The following DBX2 variants were observed in gnomAD, a reference collection of about 807,000 sequenced individuals.
DBX2 encodes the protein developing brain homeobox 2, also known as homeobox protein DBX2.
DBX2 carries 16 observed loss-of-function variants against 17.7 expected under a neutral mutation model. That is an observed-to-expected ratio of 0.90 (90% CI 0.61 to 1.37). The LOEUF is 1.37. Among genes scored for constraint, DBX2 ranks in the 40% most tolerant of loss-of-function variants. The pLI is 0.00. For missense variants in DBX2, 538 were observed against 433.8 expected (o/e 1.24, Z -2.13); for synonymous variants, 255 against 183.8 (o/e 1.39, Z -3.13).
intron 2 of DBX2, among the ~76,000 whole-genome samples, chr12:45,030,195 A>G (rs1946402248): frequency 6.6e-6 from 1 of 152,184 alleles, no homozygotes; most frequent in Non-Finnish European, 1.5e-5. Flanking sequence ...ATCATGACTT[A>G]ACTCTGAAGA....
chr12:45,050,761 G>C lies in DBX2; in HGVS notation c.167C>G (p.Pro56Arg). The C allele has an allele frequency of 6.6e-7, 1 of 1,504,456 alleles. No individual in the cohort carries two copies. The highest frequency in any genetic ancestry group is 8.9e-7 in the Non-Finnish European group (1 of 1,127,792). The allele number at this position is 1,504,456 out of a possible 1,614,324, so 93.2% of individuals were successfully genotyped here. The change falls in exon 1 of 4, where the codon CCG (proline) becomes CGG (arginine). Residue 56 changes from proline to arginine, a missense_variant. Pro to Arg is a moderately radical substitution (Grantham distance 103, BLOSUM62 -2). Transcript: ENST00000332700. ...GGTCGCCGGGTCGTGGGGCGCGGGCGGCTGCAGCCTGGGCGTTGGGGCGCC... is the reference window on the plus strand; with the variant it reads ...GGTCGCCGGGTCGTGGGGCGCGGGCCGCTGCAGCCTGGGCGTTGGGGCGCC... The part of the protein sequence containing the change: ...VGGAPTPRLQ[P>R]PAPHDPATAL...
chr12:45,044,470 G>A (rs757912558), intron 1 of DBX2, among the ~76,000 whole-genome samples: 4 of 152,034 alleles, frequency 2.6e-5, no homozygotes, highest in Non-Finnish European at 5.9e-5. Flanking sequence ...AGGCTTTGTG[G>A]AAATCTATAT....
intron 3 of DBX2, among the ~76,000 whole-genome samples, chr12:45,022,982 A>G (rs1438612539): frequency 6.6e-6 from 1 of 152,204 alleles, no homozygotes; most frequent in East Asian, 1.9e-4. Context: ...TTCCATTTAG[A>G]AAACGGGGAT....
In DBX2 at chr12:45,036,012, AACTT is replaced by A; in HGVS notation, c.499+3_499+6del. ...TGAGGCATTGCTGATGAAGGATAAA[AACTT>A]ACTTGGAAAAGCAGTGGAGGATGCA... On this transcript the variant is annotated splice_donor_5th_base_variant and intron_variant, in intron 2 of 3. Coordinates refer to ENST00000332700, the MANE Select transcript of DBX2 (RefSeq NM_001004329.3). The A allele has an allele frequency of 6.2e-7, 1 of 1,611,690 alleles. No homozygotes were observed. Among genetic ancestry groups the A allele is most frequent in the Non-Finnish European group, 8.5e-7 (1 of 1,179,182 alleles).
chr12:45,016,911 G>A (rs1385173809), intron 3 of DBX2, among the ~76,000 whole-genome samples: 3 of 152,064 alleles, frequency 2.0e-5, no homozygotes, highest in Non-Finnish European at 4.4e-5. Context: ...AGCTTCCTGA[G>A]TAGCTAGGAT....
At position 45,042,263 on chromosome 12, in the gene DBX2, T is replaced by C. The variant is rs1946475582; in HGVS notation, c.404-6149A>G. Among the ~76,000 whole-genome samples, 11 of 152,062 alleles carry C rather than the reference T, an allele frequency of 7.2e-5. No individual in the cohort carries two copies. The South Asian group carries it at 2.3e-3, about 32-fold the overall frequency. ...CTGAGATCAAGACTAAAACAGCACA[T>C]AAAAAAGCTGTATTGTGCAGACTTC... On this transcript the variant is annotated intron_variant, in intron 1 of 3. Transcript: ENST00000332700.
intron 1 of DBX2, among the ~76,000 whole-genome samples, chr12:45,046,634 T>G (rs1299252834): frequency 2.0e-5 from 3 of 152,216 alleles, no homozygotes; most frequent in African/African-American, 7.2e-5. Flanking sequence ...AGAGGCCATT[T>G]TATTTCACAC....
At chr12:45,023,077 T>C (rs1946362152) in intron 3 of DBX2, among the ~76,000 whole-genome samples, 1 of 152,222 alleles carries the variant, frequency 6.6e-6, no homozygotes, top group Non-Finnish European at 1.5e-5. Context: ...TTGTAATAAG[T>C]AGGCCAAACT....
intron 2 of DBX2, among the ~76,000 whole-genome samples, chr12:45,025,678 C>T (rs962956321): frequency 6.7e-6 from 1 of 150,260 alleles, no homozygotes; most frequent in African/African-American, 2.5e-5. Context: ...TAACATAGCA[C>T]CAGAAAGGCA....
At chr12:45,041,893 TCA>T (rs1946473449) in intron 1 of DBX2, among the ~76,000 whole-genome samples, 1 of 152,202 alleles carries the variant, frequency 6.6e-6, no homozygotes, top group Admixed American at 6.5e-5. Context: ...TGTAAATTTC[TCA>T]GTTACTCCAA....
At position 45,036,101 on chromosome 12, in the gene DBX2, AG is replaced by A; in HGVS notation, c.416del (p.Pro139LeufsTer4). ...AGAATGGCGGGGTGCTCAGAAGGAA[AG>A]GTTTGGAAGGTGCTGCAGAGAAAGC... ...FQPSAPAPSK[P>X]FLLSTPPFYS... On this transcript the variant is annotated frameshift_variant, in exon 2 of 4. Transcript: ENST00000332700. LOFTEE classifies it high-confidence loss of function. 1 of 1,612,246 alleles carries A rather than the reference AG, an allele frequency of 6.2e-7. No individual in the cohort carries two copies. The highest frequency in any genetic ancestry group is 8.5e-7 in the Non-Finnish European group (1 of 1,179,362).
chr12:45,039,319 A>ATG (rs1565585248), intron 1 of DBX2, among the ~76,000 whole-genome samples: 1 of 109,400 alleles, frequency 9.1e-6, no homozygotes, highest in African/African-American at 3.2e-5. Flanking sequence ...ATATATATAT[A>ATG]TATGTATCAC....
intron 1 of DBX2, among the ~76,000 whole-genome samples, chr12:45,039,599 A>C (rs1946460617): frequency 6.6e-6 from 1 of 151,960 alleles, no homozygotes; most frequent in Admixed American, 6.6e-5. Flanking sequence ...TTATAATGAT[A>C]ATATTTAAGG....
intron 1 of DBX2, among the ~76,000 whole-genome samples, chr12:45,037,913 T>G (rs1028916891): frequency 6.6e-6 from 1 of 152,074 alleles, no homozygotes; most frequent in Non-Finnish European, 1.5e-5. Flanking sequence ...GTTTTAATGC[T>G]GTTTTGAAAA....
chr12:45,041,823 T>C (rs1592758572), intron 1 of DBX2, among the ~76,000 whole-genome samples: 1 of 152,216 alleles, frequency 6.6e-6, no homozygotes, highest in East Asian at 1.9e-4. Context: ...CCTGGAATAA[T>C]TTATATTTTT....
intron 2 of DBX2, among the ~76,000 whole-genome samples, chr12:45,024,848 A>G (rs544644582): frequency 4.1e-4 from 63 of 152,334 alleles, no homozygotes; most frequent in African/African-American, 1.5e-3. Flanking sequence ...TAATCTGAGA[A>G]GAGAAGAGAG....
chr12:45,033,711 C>A (rs1034637779), intron 2 of DBX2, among the ~76,000 whole-genome samples: 2 of 152,118 alleles, frequency 1.3e-5, no homozygotes, highest in African/African-American at 4.8e-5. Context: ...CCTGTGGGAT[C>A]TCTAAACTGT....
At chr12:45,034,848 A>G (rs1323586443) in intron 2 of DBX2, among the ~76,000 whole-genome samples, 1 of 152,254 alleles carries the variant, frequency 6.6e-6, no homozygotes, top group East Asian at 1.9e-4. Flanking sequence ...CAAAAGGGCA[A>G]CTGACCCTTG....
Position 45,016,019 on chromosome 12 carries a change from A to G in DBX2, c.*267T>C, listed in dbSNP as rs1946321103. ...CATAGAGACAAACACATATATACACATACTCAGAGCAGGGACCGAGCCAGC... is the reference window on the plus strand; with the variant it reads ...CATAGAGACAAACACATATATACACGTACTCAGAGCAGGGACCGAGCCAGC... On this transcript the variant is annotated 3_prime_UTR_variant, in exon 4 of 4. Transcript: ENST00000332700. The G allele has an allele frequency of 6.1e-6, 2 of 327,390 alleles. No individual in the cohort carries two copies. The highest frequency in any genetic ancestry group is 1.1e-5 in the Non-Finnish European group (2 of 180,148). The allele number at this position is 327,390 out of a possible 1,614,324, so 20.3% of individuals were successfully genotyped here. A position where few individuals can be genotyped will look rare whatever the true frequency, so the allele number is the denominator to read the frequency against.
Sources: allele counts gnomAD v4.1 joint callset (sites outside exome capture counted in the v4.1 genomes callset), GRCh38; gene constraint gnomAD v4.1.1; transcripts MANE v1.5; gene names NCBI Gene and HGNC (gene_info 2026-07-23, HGNC 2026-07-21).